The following SYT9 variants were observed in gnomAD, a reference collection of about 807,000 sequenced individuals.
The protein encoded by SYT9 is synaptotagmin-9.
SYT9 carries 22 observed loss-of-function variants against 48.4 expected under a neutral mutation model. That is an observed-to-expected ratio of 0.45 (90% confidence interval 0.32 to 0.65). SYT9 has a LOEUF of 0.65. SYT9 is among the 30% of genes least tolerant of loss of function. The pLI, the probability that SYT9 is intolerant of heterozygous loss-of-function variation, is 0.03. For synonymous variants in SYT9, 265 were observed against 245.0 expected, an observed-to-expected ratio of 1.08 and a Z score of -0.76; for missense variants, 577 against 622.0, an observed-to-expected ratio of 0.93 and a Z score of 0.77.
chr11:7,353,345 A>G (rs1263829379), intron 3 of SYT9, among the ~76,000 whole-genome samples: 1 of 152,074 alleles, frequency 6.6e-6, no homozygotes, highest in Non-Finnish European at 1.5e-5. Flanking sequence ...AAGGCTCCAC[A>G]ACACCCATGG....
chr11:7,306,147 A>G (rs1849026690), intron 2 of SYT9, among the ~76,000 whole-genome samples: 1 of 152,142 alleles, frequency 6.6e-6, no homozygotes, highest in African/African-American at 2.4e-5. Context: ...AATATGCTGG[A>G]AATGTGGATG....
rs1199627421 is a variant in SYT9 at position 7,313,951 on chromosome 11, G to A, written c.1044+10G>A. On this transcript the variant is annotated intron_variant, in intron 3 of 6. Transcript: ENST00000318881. ...CGAATATGTCACCAATGTGAGTCCA[G>A]CATTTCTTCATTTTTGTGGTGGGGG... 3 of 1,600,880 alleles carry A rather than the reference G, an allele frequency of 1.9e-6. No individual in the cohort carries two copies. Among genetic ancestry groups the A allele is most frequent in the Non-Finnish European group, 1.7e-6 (2 of 1,174,946 alleles).
chr11:7,458,308 C>G (rs1486252660), intron 6 of SYT9, among the ~76,000 whole-genome samples: 2 of 152,026 alleles, frequency 1.3e-5, no homozygotes, highest in Non-Finnish European at 2.9e-5. Context: ...TGGCAAAACC[C>G]CTTCTCTACT....
chr11:7,295,760 A>G (rs931530604), intron 1 of SYT9, among the ~76,000 whole-genome samples: 1 of 152,148 alleles, frequency 6.6e-6, no homozygotes, highest in Non-Finnish European at 1.5e-5. Context: ...AACTCCATGT[A>G]TTGGTTTATG....
intron 3 of SYT9, among the ~76,000 whole-genome samples, chr11:7,407,939 A>G (rs1413754957): frequency 1.3e-5 from 2 of 152,174 alleles, no homozygotes; most frequent in Non-Finnish European, 2.9e-5. Context: ...GCCTTTTGGT[A>G]CATTTTGAAG....
chr11:7,260,565 A>C (rs1240632600), intron 1 of SYT9, among the ~76,000 whole-genome samples: 2 of 152,202 alleles, frequency 1.3e-5, no homozygotes, highest in African/African-American at 4.8e-5. Context: ...AGAAATCTTG[A>C]AAGAAGTACA....
At chr11:7,358,976 A>G (rs1850074644) in intron 3 of SYT9, among the ~76,000 whole-genome samples, 1 of 152,066 alleles carries the variant, frequency 6.6e-6, no homozygotes, top group Non-Finnish European at 1.5e-5. Context: ...CATTAGGTAT[A>G]TCTCCCAATG....
At chr11:7,361,154 A>G (rs1207390915) in intron 3 of SYT9, among the ~76,000 whole-genome samples, 2 of 150,486 alleles carry the variant, frequency 1.3e-5, no homozygotes, top group Non-Finnish European at 3.0e-5. Context: ...TATTTTTTCT[A>G]TTTCCTCCCT....
At chr11:7,455,731 G>A (rs1848139814) in intron 6 of SYT9, among the ~76,000 whole-genome samples, 2 of 152,196 alleles carry the variant, frequency 1.3e-5, no homozygotes, top group Admixed American at 6.5e-5. Context: ...GAAGGTCCTG[G>A]GAAAGGGGTG....
chr11:7,371,663 A>T (rs60088199), intron 3 of SYT9, among the ~76,000 whole-genome samples: 3,404 of 152,196 alleles, frequency 0.022, 122 homozygotes, highest in African/African-American at 0.078. Flanking sequence ...CACCCTAGAA[A>T]GTTTTCTCAT....
At chr11:7,390,673 G>A (rs1435383711) in intron 3 of SYT9, among the ~76,000 whole-genome samples, 1 of 152,100 alleles carries the variant, frequency 6.6e-6, no homozygotes, top group Non-Finnish European at 1.5e-5. Flanking sequence ...AGCATACATT[G>A]TTTCCAAGTG....
chr11:7,386,970 A>G (rs1242934180), intron 3 of SYT9, among the ~76,000 whole-genome samples: 1 of 152,218 alleles, frequency 6.6e-6, no homozygotes, highest in Non-Finnish European at 1.5e-5. Context: ...ATGCAGCCAT[A>G]AAAAATGATG....
chr11:7,284,816 T>C (rs1027699450), intron 1 of SYT9, among the ~76,000 whole-genome samples: 1 of 152,230 alleles, frequency 6.6e-6, no homozygotes, highest in African/African-American at 2.4e-5. Flanking sequence ...TAGTCTTCTA[T>C]GTTTACTTGC....
chr11:7,378,983 A>T (rs992879728), intron 3 of SYT9, among the ~76,000 whole-genome samples: 1 of 152,194 alleles, frequency 6.6e-6, no homozygotes, highest in African/African-American at 2.4e-5. Flanking sequence ...AGTTCTAAGG[A>T]TGCTTTGATA....
chr11:7,338,693 G>C (rs1029691612), intron 3 of SYT9, among the ~76,000 whole-genome samples: 4 of 151,992 alleles, frequency 2.6e-5, no homozygotes, highest in Admixed American at 6.6e-5. Flanking sequence ...TATTTTTATT[G>C]TGCTATGATC....
intron 1 of SYT9, among the ~76,000 whole-genome samples, chr11:7,274,317 C>CTTTTTT (rs576480483): frequency 8.0e-6 from 1 of 125,072 alleles, no homozygotes; most frequent in African/African-American, 3.1e-5. Context: ...TGAAGTTCAT[C>CTTTTTT]TTTTTTTTTT....
At chr11:7,320,575 A>C (rs893592806) in intron 3 of SYT9, among the ~76,000 whole-genome samples, 2 of 152,236 alleles carry the variant, frequency 1.3e-5, no homozygotes, top group African/African-American at 2.4e-5. Context: ...GCATAAAGTG[A>C]AACTCCTTAT....
At chr11:7,276,892 G>GAA (rs557050903) in intron 1 of SYT9, among the ~76,000 whole-genome samples, 36 of 141,198 alleles carry the variant, frequency 2.5e-4, no homozygotes, top group African/African-American at 9.0e-4. Flanking sequence ...CTAAAAATAC[G>GAA]AAAAAAAAAA....
chr11:7,415,011 T>C (rs1216206853), intron 3 of SYT9, among the ~76,000 whole-genome samples: 1 of 152,206 alleles, frequency 6.6e-6, no homozygotes, highest in East Asian at 1.9e-4. Context: ...TTTCTGGTTA[T>C]ACTGTCCCTG....
Sources: allele counts gnomAD v4.1 joint callset (sites outside exome capture counted in the v4.1 genomes callset), GRCh38; gene constraint gnomAD v4.1.1; transcripts MANE v1.5; gene names NCBI Gene and HGNC (gene_info 2026-07-23, HGNC 2026-07-21).